SLC16A7: variants seen among roughly 807,000 people sequenced by gnomAD.
SLC16A7 encodes the protein solute carrier family 16 member 7, also known as monocarboxylate transporter 2.
Under a neutral mutation model 34.9 loss-of-function variants are expected in SLC16A7, and 33 were observed. That is an observed-to-expected ratio of 0.94 (90% CI 0.72 to 1.26). SLC16A7 has a LOEUF of 1.26. Among genes scored for constraint, SLC16A7 ranks in the 50% most tolerant of loss-of-function variants. The probability of loss-of-function intolerance (pLI) is 0.00; values close to 1 mark genes in which losing one functional copy is unlikely to be tolerated. For synonymous variants in SLC16A7, 201 were observed against 206.6 expected (o/e 0.97, Z 0.23); for missense variants, 573 against 578.1 (o/e 0.99, Z 0.09).
chr12:59,765,681 C>T (rs1267563006), intron 3 of SLC16A7, among the ~76,000 whole-genome samples: 2 of 152,054 alleles, frequency 1.3e-5, no homozygotes, highest in Admixed American at 6.6e-5. Flanking sequence ...TGTTCTGTTC[C>T]GTTGGTCTAT....
At chr12:59,736,278 CA>C (rs1877583881) in intron 3 of SLC16A7, among the ~76,000 whole-genome samples, 1 of 151,984 alleles carries the variant, frequency 6.6e-6, no homozygotes, top group Admixed American at 6.6e-5. Context: ...GGTGTTAAAT[CA>C]AATGGTTTAT....
chr12:59,688,417 C>A (rs1026417301), intron 2 of SLC16A7, among the ~76,000 whole-genome samples: 2 of 151,988 alleles, frequency 1.3e-5, no homozygotes, highest in Non-Finnish European at 2.9e-5. Flanking sequence ...ACGAATACTG[C>A]GGTAGACTTT....
intron 1 of SLC16A7, among the ~76,000 whole-genome samples, chr12:59,608,925 C>A (rs551103595): frequency 1.4e-4 from 21 of 152,230 alleles, no homozygotes; most frequent in African/African-American, 4.8e-4. Context: ...TATGACTGTT[C>A]ATTGGGATAC....
At chr12:59,668,096 G>T (rs1427148928) in intron 2 of SLC16A7, among the ~76,000 whole-genome samples, 1 of 152,234 alleles carries the variant, frequency 6.6e-6, no homozygotes, top group Non-Finnish European at 1.5e-5. Context: ...CAAGTTTGCT[G>T]CAGGGGAGGG....
intron 3 of SLC16A7, among the ~76,000 whole-genome samples, chr12:59,738,439 A>G (rs534440185): frequency 1.1e-3 from 169 of 152,330 alleles, no homozygotes; most frequent in Non-Finnish European, 2.0e-3. Context: ...ATGGACCAAT[A>G]ACAAGATGCA....
intron 1 of SLC16A7, among the ~76,000 whole-genome samples, chr12:59,631,565 G>T (rs1880184915): frequency 6.6e-6 from 1 of 151,936 alleles, no homozygotes; most frequent in Admixed American, 6.6e-5. Flanking sequence ...TAAGTTCCAG[G>T]GTACATGTGC....
chr12:59,610,386 T>C (rs1200619950), intron 1 of SLC16A7, among the ~76,000 whole-genome samples: 2 of 152,212 alleles, frequency 1.3e-5, no homozygotes, highest in African/African-American at 2.4e-5. Flanking sequence ...AAATTGTATG[T>C]TGGGATTGAT....
At chr12:59,724,980 T>C (rs1876063859) in intron 3 of SLC16A7, among the ~76,000 whole-genome samples, 2 of 143,236 alleles carry the variant, frequency 1.4e-5, no homozygotes, top group African/African-American at 6.0e-5. Context: ...TGCCACGTAA[T>C]GCATGCTCAA....
At chr12:59,751,943 G>A (rs1230673358) in intron 3 of SLC16A7, among the ~76,000 whole-genome samples, 1 of 152,162 alleles carries the variant, frequency 6.6e-6, no homozygotes, top group Non-Finnish European at 1.5e-5. Flanking sequence ...AGCATTAGCG[G>A]TTCACGAAAA....
chr12:59,672,831 G>T (rs941069221), intron 2 of SLC16A7, among the ~76,000 whole-genome samples: 10 of 152,108 alleles, frequency 6.6e-5, no homozygotes, highest in Middle Eastern at 3.2e-3. Flanking sequence ...AATTGTGTGG[G>T]TTGCAAGAAT....
chr12:59,728,558 C>T (rs1273854667), intron 3 of SLC16A7, among the ~76,000 whole-genome samples: 1 of 152,132 alleles, frequency 6.6e-6, no homozygotes, highest in African/African-American at 2.4e-5. Flanking sequence ...CTTGTAATCC[C>T]AGCACTTTGG....
At chr12:59,722,166 T>A (rs910086017) in intron 3 of SLC16A7, among the ~76,000 whole-genome samples, 4 of 151,994 alleles carry the variant, frequency 2.6e-5, no homozygotes, top group African/African-American at 9.7e-5. Flanking sequence ...AAAATTCATC[T>A]TCTGAAATTC....
chr12:59,697,390 C>T (rs1000346095), intron 2 of SLC16A7, among the ~76,000 whole-genome samples: 6 of 151,942 alleles, frequency 3.9e-5, no homozygotes, highest in African/African-American at 7.2e-5. Context: ...CATGTGCACA[C>T]GCACGTGGGT....
At chr12:59,719,307 A>G (rs1356412411) in intron 3 of SLC16A7, among the ~76,000 whole-genome samples, 1 of 152,220 alleles carries the variant, frequency 6.6e-6, no homozygotes, top group Non-Finnish European at 1.5e-5. Flanking sequence ...AAGTCTAAGA[A>G]GAGATATAAT....
chr12:59,732,149 G>A (rs776549996), intron 3 of SLC16A7, among the ~76,000 whole-genome samples: 15 of 152,088 alleles, frequency 9.9e-5, no homozygotes, highest in Non-Finnish European at 1.5e-4. Context: ...TGGGCACAGT[G>A]GCGCATGCCT....
At chr12:59,777,950 G>A (rs1021597184) in intron 5 of SLC16A7, among the ~76,000 whole-genome samples, 2 of 151,864 alleles carry the variant, frequency 1.3e-5, no homozygotes, top group African/African-American at 4.8e-5. Flanking sequence ...ATGATTTCCA[G>A]TTTCATCCAT....
chr12:59,751,747 G>A (rs943359612), intron 3 of SLC16A7, among the ~76,000 whole-genome samples: 1 of 152,212 alleles, frequency 6.6e-6, no homozygotes, highest in African/African-American at 2.4e-5. Flanking sequence ...GCTTTGAAGA[G>A]AGCAGTGGTT....
intron 1 of SLC16A7, among the ~76,000 whole-genome samples, chr12:59,641,364 A>C (rs1256801179): frequency 6.6e-6 from 1 of 152,116 alleles, no homozygotes; most frequent in East Asian, 1.9e-4. Context: ...CTATTCTTAT[A>C]CATGGTATGC....
intron 1 of SLC16A7, among the ~76,000 whole-genome samples, chr12:59,630,091 T>C (rs1381917816): frequency 6.6e-6 from 1 of 151,886 alleles, no homozygotes; most frequent in Non-Finnish European, 1.5e-5. Flanking sequence ...ATTGTGGTAA[T>C]TGCGATACAC....
Sources: gnomAD v4.1 joint callset for allele counts (sites outside exome capture counted in the v4.1 genomes callset) on GRCh38, gnomAD v4.1.1 for gene constraint, MANE v1.5 for transcripts, NCBI Gene and HGNC (gene_info 2026-07-23, HGNC 2026-07-21) for gene names.